MAP7: variants seen among roughly 807,000 people sequenced by gnomAD.
MAP7 encodes the protein ensconsin.
A neutral mutation model predicts 94.8 loss-of-function variants in MAP7; 52 were observed. The observed-to-expected ratio is 0.55, with a 90% CI of 0.44 to 0.69. MAP7 has a LOEUF of 0.69. Among genes scored for constraint, MAP7 ranks in the 30% least tolerant of loss-of-function variants. The pLI is 0.00. For synonymous variants in MAP7, 350 were observed against 357.0 expected, an observed-to-expected ratio of 0.98 and a Z score of 0.22; for missense variants, 940 against 964.6, an observed-to-expected ratio of 0.97 and a Z score of 0.34.
intron 2 of MAP7, chr6:136,419,967 T>A: frequency 1.5e-6 from 1 of 687,280 alleles, no homozygotes; most frequent in Admixed American, 2.1e-5. Context: ...TTTCTGAGTG[T>A]CTGGTTACAA....
At chr6:136,436,059 G>A (rs958003959) in intron 1 of MAP7, among the ~76,000 whole-genome samples, 2 of 151,984 alleles carry the variant, frequency 1.3e-5, no homozygotes, top group Non-Finnish European at 2.9e-5. Flanking sequence ...ATTTATTATT[G>A]AGAATTATTA....
At chr6:136,468,413 G>A (rs1807853800) in intron 1 of MAP7, among the ~76,000 whole-genome samples, 1 of 152,164 alleles carries the variant, frequency 6.6e-6, no homozygotes, top group East Asian at 1.9e-4. Context: ...AACTGCTGAA[G>A]ATGTTAAGTG....
chr6:136,499,078 C>G (rs1208564025), intron 1 of MAP7, among the ~76,000 whole-genome samples: 1 of 152,028 alleles, frequency 6.6e-6, no homozygotes, highest in Non-Finnish European at 1.5e-5. Context: ...CACCACTACG[C>G]CCTGCTAATT....
intron 7 of MAP7, among the ~76,000 whole-genome samples, chr6:136,373,165 A>G (rs1775070256): frequency 6.6e-6 from 1 of 152,184 alleles, no homozygotes; most frequent in Admixed American, 6.5e-5. Flanking sequence ...GAAAAAAGCA[A>G]CCAAACTTAA....
At chr6:136,538,777 C>A (rs1272646358) in intron 1 of MAP7, among the ~76,000 whole-genome samples, 1 of 129,802 alleles carries the variant, frequency 7.7e-6, no homozygotes, top group Non-Finnish European at 1.6e-5. Context: ...GGTGACAGAG[C>A]ACCAGAGCAA....
chr6:136,497,037 A>G (rs1818463423), intron 1 of MAP7, among the ~76,000 whole-genome samples: 1 of 151,968 alleles, frequency 6.6e-6, no homozygotes, highest in Admixed American at 6.6e-5. Flanking sequence ...CTGTGCCATC[A>G]TGTAGTGATA....
chr6:136,393,047 AAAT>A (rs1486784610), intron 3 of MAP7, among the ~76,000 whole-genome samples: 1 of 152,202 alleles, frequency 6.6e-6, no homozygotes, highest in African/African-American at 2.4e-5. Flanking sequence ...AATTTTTCTT[AAAT>A]AATGTTTTCA....
chr6:136,499,097 A>G (rs1269209625), intron 1 of MAP7, among the ~76,000 whole-genome samples: 1 of 151,914 alleles, frequency 6.6e-6, no homozygotes, highest in Non-Finnish European at 1.5e-5. Context: ...TTTTTGTATT[A>G]TTAGTAGACA....
intron 1 of MAP7, among the ~76,000 whole-genome samples, chr6:136,545,952 G>C (rs942818199): frequency 1.3e-5 from 2 of 152,084 alleles, no homozygotes; most frequent in African/African-American, 2.4e-5. Context: ...GTACAATTAA[G>C]TTATTGACTA....
intron 3 of MAP7, among the ~76,000 whole-genome samples, chr6:136,409,642 G>C (rs1786789464): frequency 6.6e-6 from 1 of 152,176 alleles, no homozygotes; most frequent in African/African-American, 2.4e-5. Context: ...TGGGAACTTG[G>C]GTGGCACCTG....
chr6:136,546,624 C>A (rs1257822014), intron 1 of MAP7, among the ~76,000 whole-genome samples: 4 of 152,162 alleles, frequency 2.6e-5, no homozygotes, highest in Non-Finnish European at 4.4e-5. Context: ...CTCCTCATAA[C>A]CTGCAACTGT....
intron 1 of MAP7, among the ~76,000 whole-genome samples, chr6:136,429,365 C>T (rs1349409400): frequency 6.6e-6 from 1 of 152,110 alleles, no homozygotes; most frequent in Non-Finnish European, 1.5e-5. Context: ...CTTCCATTTC[C>T]AAACATTTCA....
rs748290814 is a variant in MAP7 at position 136,360,019 on chromosome 6, T to A, written c.1816A>T (p.Ile606Phe). 23 of 1,612,412 alleles carry A rather than the reference T, an allele frequency of 1.4e-5. No homozygotes were observed. Among genetic ancestry groups the A allele is most frequent in the Non-Finnish European group, 1.9e-5 (23 of 1,179,638 alleles). The change falls in exon 14 of 18, where the codon ATT becomes TTT. Residue 606 changes from isoleucine (I) to phenylalanine (F), a missense_variant. Physicochemically the swap from Ile to Phe is conservative, Grantham distance 21 (BLOSUM62 0). Transcript: ENST00000354570. ...TCTGTTCTCCTGGTTCTTTTCATAATCTCCTCAAGTCGCTATAGGAAAGGA... is the reference window on the plus strand; with the variant it reads ...TCTGTTCTCCTGGTTCTTTTCATAAACTCCTCAAGTCGCTATAGGAAAGGA... ...RLERKKRLEE[I>F]MKRTRRTEAT...
rs575734641 is a variant in MAP7, at chr6:136,356,321, G to A, written c.2015+371C>T. Reference sequence around the variant, plus strand: ...TGGGACTACAAGCACACACTATCACGTCTGCTAGTTTTGCTATTTTTTTTT... The same window carrying A: ...TGGGACTACAAGCACACACTATCACATCTGCTAGTTTTGCTATTTTTTTTT... On this transcript the variant is annotated intron_variant, in intron 16 of 17. Coordinates refer to ENST00000354570, the MANE Select transcript of MAP7 (RefSeq NM_003980.6). Among the ~76,000 whole-genome samples the A allele has an allele frequency of 4.0e-5, 6 of 151,590 alleles. No homozygotes were observed. In the South Asian group the frequency reaches 8.3e-4, roughly 21 times the overall value.
At chr6:136,546,403 C>A (rs1829744830) in intron 1 of MAP7, among the ~76,000 whole-genome samples, 1 of 151,332 alleles carries the variant, frequency 6.6e-6, no homozygotes, top group African/African-American at 2.4e-5. Context: ...GGTAACCATG[C>A]TTCTACTCTC....
At chr6:136,457,554 A>G (rs1291383225) in intron 1 of MAP7, among the ~76,000 whole-genome samples, 1 of 152,172 alleles carries the variant, frequency 6.6e-6, no homozygotes, top group African/African-American at 2.4e-5. Flanking sequence ...AGACAGATGC[A>G]AAAATACTCA....
At chr6:136,542,931 A>C (rs952383759) in intron 1 of MAP7, among the ~76,000 whole-genome samples, 4 of 152,210 alleles carry the variant, frequency 2.6e-5, no homozygotes, top group African/African-American at 9.6e-5. Context: ...GGAATGGCTA[A>C]AGTTTTAAAA....
At chr6:136,525,777 T>C in intron 1 of MAP7, 1 of 1,504,378 alleles carries the variant, frequency 6.6e-7, no homozygotes, top group Non-Finnish European at 8.8e-7. Flanking sequence ...CTATAGGCAG[T>C]GTGGGAGACA....
At chr6:136,488,046 T>C (rs112597986) in intron 1 of MAP7, among the ~76,000 whole-genome samples, 63 of 152,354 alleles carry the variant, frequency 4.1e-4, no homozygotes, top group African/African-American at 1.4e-3. Flanking sequence ...ATTTAGCTAA[T>C]TGTAACATCT....
Sources: allele counts gnomAD v4.1 joint callset (sites outside exome capture counted in the v4.1 genomes callset), GRCh38; gene constraint gnomAD v4.1.1; transcripts MANE v1.5; gene names NCBI Gene and HGNC (gene_info 2026-07-23, HGNC 2026-07-21).